Variants in NEK11 observed in about 807,000 individuals in gnomAD.
NEK11 encodes serine/threonine-protein kinase Nek11.
NEK11 carries 72 observed loss-of-function variants against 80.7 expected under a neutral mutation model. The ratio of observed to expected loss-of-function variants is 0.89; its 90% confidence interval spans 0.74 to 1.08. NEK11 has a LOEUF of 1.08. NEK11 is among the 50% of genes least tolerant of loss of function. The pLI, the probability that NEK11 is intolerant of heterozygous loss-of-function variation, is 0.00. For synonymous variants in NEK11, 251 were observed against 260.7 expected (o/e 0.96, Z 0.36); for missense variants, 764 against 763.6 (o/e 1.00, Z -0.01).
At chr3:131,275,406 A>G (rs2096276400) in intron 17 of NEK11, among the ~76,000 whole-genome samples, 1 of 152,240 alleles carries the variant, frequency 6.6e-6, no homozygotes. Context: ...AAATAATTAA[A>G]ATGAAAATAT....
At chr3:131,134,021 C>A in intron 7 of NEK11, 65 bp downstream of exon 7, 4 of 1,425,840 alleles carry the variant, frequency 2.8e-6, no homozygotes, top group South Asian at 1.7e-5. Context: ...TTTTGTCTTT[C>A]AGCTCATTTA....
intron 17 of NEK11, among the ~76,000 whole-genome samples, chr3:131,316,795 G>A (rs1346861288): frequency 2.0e-5 from 3 of 152,094 alleles, no homozygotes; most frequent in Non-Finnish European, 2.9e-5. Context: ...TTCAGCTTGC[G>A]AGTTTTTTGA....
chr3:131,089,290 G>A (rs574623180), intron 4 of NEK11, among the ~76,000 whole-genome samples: 5 of 152,272 alleles, frequency 3.3e-5, no homozygotes, highest in Admixed American at 2.0e-4. Context: ...CTAGGGATAT[G>A]CATTTTAAAC....
intron 5 of NEK11, among the ~76,000 whole-genome samples, chr3:131,118,052 A>T (rs1377521560): frequency 6.6e-6 from 1 of 152,170 alleles, no homozygotes; most frequent in Non-Finnish European, 1.5e-5. Context: ...GTCTTGTGCC[A>T]GTTTTCAAAC....
chr3:131,062,659 A>G (rs1404608539), intron 3 of NEK11, among the ~76,000 whole-genome samples: 2 of 152,192 alleles, frequency 1.3e-5, no homozygotes, highest in Non-Finnish European at 2.9e-5. Flanking sequence ...TTTTGAATAA[A>G]CAGAACCATG....
At chr3:131,143,255 A>C (rs2087363981) in intron 7 of NEK11, among the ~76,000 whole-genome samples, 1 of 152,126 alleles carries the variant, frequency 6.6e-6, no homozygotes, top group Admixed American at 6.6e-5. Flanking sequence ...ATTGGGCAGA[A>C]CCCCTGCTGG....
intron 5 of NEK11, among the ~76,000 whole-genome samples, chr3:131,118,650 G>A (rs1415501652): frequency 6.6e-6 from 1 of 151,940 alleles, no homozygotes; most frequent in Non-Finnish European, 1.5e-5. Flanking sequence ...CAATTTCAGA[G>A]CCTGTTATTA....
chr3:131,332,082 C>T (rs989486188), intron 17 of NEK11, among the ~76,000 whole-genome samples: 13 of 152,348 alleles, frequency 8.5e-5, no homozygotes, highest in East Asian at 1.9e-4. Context: ...CAGAATTAAA[C>T]GTCCCGGTCT....
intron 17 of NEK11, among the ~76,000 whole-genome samples, chr3:131,305,646 C>T (rs1244875616): frequency 6.6e-6 from 1 of 152,206 alleles, no homozygotes. Flanking sequence ...ACCCCGTCCA[C>T]CTCTCTGAAC....
At chr3:131,131,509 TG>T (rs1397266582) in intron 5 of NEK11, among the ~76,000 whole-genome samples, 1 of 152,190 alleles carries the variant, frequency 6.6e-6, no homozygotes, top group Non-Finnish European at 1.5e-5. Flanking sequence ...GGTTATAGAT[TG>T]TTAATAGTAT....
intron 4 of NEK11, among the ~76,000 whole-genome samples, chr3:131,097,311 C>A (rs1178265776): frequency 6.6e-6 from 1 of 151,932 alleles, no homozygotes; most frequent in Admixed American, 6.6e-5. Flanking sequence ...AATCACCACA[C>A]TGACTTCCAC....
chr3:131,196,124 A>G (rs1376652935), intron 14 of NEK11, among the ~76,000 whole-genome samples: 1 of 152,034 alleles, frequency 6.6e-6, no homozygotes, highest in African/African-American at 2.4e-5. Context: ...AAACTCTTAA[A>G]TGTCTTTTCA....
chr3:131,119,437 G>T (rs1021264700), intron 5 of NEK11, among the ~76,000 whole-genome samples: 3 of 152,186 alleles, frequency 2.0e-5, no homozygotes, highest in African/African-American at 4.8e-5. Context: ...TGAGAAGAAT[G>T]TATATTCCGT....
intron 17 of NEK11, chr3:131,330,047 G>A (rs978171740): frequency 4.6e-5 from 7 of 152,214 alleles, no homozygotes; most frequent in African/African-American, 1.7e-4. Context: ...GAAAGAATCA[G>A]GTGGGAGACA....
At chr3:131,050,365 A>G (rs2068167407) in intron 3 of NEK11, among the ~76,000 whole-genome samples, 1 of 152,182 alleles carries the variant, frequency 6.6e-6, no homozygotes, top group Non-Finnish European at 1.5e-5. Flanking sequence ...AGAATCAAAG[A>G]AAGCAGTAAC....
intron 17 of NEK11, among the ~76,000 whole-genome samples, chr3:131,322,446 AAAAT>A (rs1170168918): frequency 1.3e-5 from 2 of 152,190 alleles, no homozygotes; most frequent in Non-Finnish European, 2.9e-5. Flanking sequence ...CCCCAAATCT[AAAAT>A]AAAGTTGCAA....
intron 14 of NEK11, among the ~76,000 whole-genome samples, chr3:131,204,018 G>C (rs770219375): frequency 2.6e-5 from 4 of 151,802 alleles, no homozygotes; most frequent in Non-Finnish European, 4.4e-5. Flanking sequence ...ATGCTGCATA[G>C]AGAGGCCAAA....
At chr3:131,299,513 C>A (rs2096637244) in intron 17 of NEK11, among the ~76,000 whole-genome samples, 1 of 152,102 alleles carries the variant, frequency 6.6e-6, no homozygotes. Context: ...AGTTTTTGAT[C>A]CTTACCCTCC....
rs539675369 is a variant in NEK11 at position 131,156,899 on chromosome 3, G to A, written c.962+1778G>A. Among the ~76,000 whole-genome samples, 8 of 151,522 alleles carry A rather than the reference G, an allele frequency of 5.3e-5. No individual in the cohort carries two copies. The South Asian group carries it at 1.7e-3, about 32-fold the overall frequency. On this transcript the variant is annotated intron_variant, in intron 10 of 17. Transcript: ENST00000383366. Reference sequence around the variant, plus strand: ...TAATCATACATTGAAAGATGTTTATGTGCTGGTTGTTGGGATCGAAAACAC... The same window carrying A: ...TAATCATACATTGAAAGATGTTTATATGCTGGTTGTTGGGATCGAAAACAC...
Sources: gnomAD v4.1 joint callset for allele counts (sites outside exome capture counted in the v4.1 genomes callset) on GRCh38, gnomAD v4.1.1 for gene constraint, MANE v1.5 for transcripts, NCBI Gene and HGNC (gene_info 2026-07-23, HGNC 2026-07-21) for gene names.